Variants in ARHGAP17 observed in about 807,000 individuals in gnomAD.
The protein encoded by ARHGAP17 is rho GTPase-activating protein 17.
In ARHGAP17, 57 loss-of-function variants were observed where a neutral mutation model predicts 99.5. The ratio of observed to expected loss-of-function variants is 0.57; its 90% CI spans 0.46 to 0.71. ARHGAP17 has a LOEUF of 0.71. Ranked by LOEUF, ARHGAP17 falls within the 30% of genes least tolerant of loss-of-function variation. The pLI is 0.00. For missense variants in ARHGAP17, 1,000 were observed against 1,122.4 expected (o/e 0.89, Z 1.56); for synonymous variants, 417 against 429.6 (o/e 0.97, Z 0.36).
intron 3 of ARHGAP17, among the ~76,000 whole-genome samples, chr16:24,974,191 G>A (rs9929996): frequency 0.032 from 4,921 of 152,356 alleles, 280 homozygotes; most frequent in African/African-American, 0.11. Flanking sequence ...AGCACTTCGG[G>A]AGGCCGAGGA....
intron 4 of ARHGAP17, among the ~76,000 whole-genome samples, chr16:24,969,180 AG>A (rs1184815680): frequency 6.6e-6 from 1 of 152,236 alleles, no homozygotes; most frequent in African/African-American, 2.4e-5. Context: ...TATGCAGATG[AG>A]CTAGCTGGCT....
chr16:25,005,995 G>C (rs1179155366), intron 1 of ARHGAP17, among the ~76,000 whole-genome samples: 2 of 152,104 alleles, frequency 1.3e-5, no homozygotes, highest in Non-Finnish European at 2.9e-5. Context: ...AACCTCTAGA[G>C]AATTCATCAT....
chr16:24,974,250 G>A (rs960151573), intron 3 of ARHGAP17, among the ~76,000 whole-genome samples: 1 of 152,188 alleles, frequency 6.6e-6, no homozygotes, highest in Non-Finnish European at 1.5e-5. Context: ...GGTCAACATG[G>A]TGAAATCCTG....
chr16:25,004,436 C>T (rs922744945), intron 1 of ARHGAP17, among the ~76,000 whole-genome samples: 1 of 152,166 alleles, frequency 6.6e-6, no homozygotes, highest in Non-Finnish European at 1.5e-5. Context: ...CCCAAAGTAC[C>T]GCTGGCCATG....
intron 15 of ARHGAP17, among the ~76,000 whole-genome samples, chr16:24,943,130 T>G (rs1391044171): frequency 1.3e-5 from 2 of 152,204 alleles, no homozygotes; most frequent in Non-Finnish European, 2.9e-5. Context: ...AAGGGGGCCA[T>G]GGGAACCTCT....
chr16:24,937,857 T>G (rs1330486848), intron 17 of ARHGAP17, among the ~76,000 whole-genome samples: 1 of 152,234 alleles, frequency 6.6e-6, no homozygotes, highest in Non-Finnish European at 1.5e-5. Flanking sequence ...CCTGTCCTTG[T>G]TTTGTGCACA....
intron 1 of ARHGAP17, among the ~76,000 whole-genome samples, chr16:25,005,198 G>C (rs137931350): frequency 1.0e-3 from 155 of 152,326 alleles, no homozygotes; most frequent in African/African-American, 3.6e-3. Flanking sequence ...TTACAGGCGT[G>C]AGCCACCATA....
At chr16:24,947,390 T>C in intron 14 of ARHGAP17, 92 bp downstream of exon 14, 1 of 1,160,482 alleles carries the variant, frequency 8.6e-7, no homozygotes, top group Admixed American at 2.0e-5. Flanking sequence ...TGAATTGATC[T>C]TAAACTAGAA....
chr16:24,939,636 C>A (rs755068203), intron 16 of ARHGAP17, 39 bp from the exon 17 acceptor site: 1 of 1,555,302 alleles, frequency 6.4e-7, no homozygotes, highest in Non-Finnish European at 8.7e-7. Context: ...ACCATGCGAG[C>A]AGACTACTGA....
chr16:24,957,816 G>A (rs1331193876), intron 9 of ARHGAP17, among the ~76,000 whole-genome samples: 1 of 152,152 alleles, frequency 6.6e-6, no homozygotes, highest in African/African-American at 2.4e-5. Context: ...TAAACAGGAC[G>A]CTGTGTTCAG....
rs546402046 is a variant in ARHGAP17, at chr16:24,960,742, G to A, written c.574-763C>T. 4.6e-5 allele frequency among the ~76,000 whole-genome samples: 7 copies of A among 151,504 alleles called. No individual in the cohort carries two copies. In the South Asian group the frequency reaches 8.4e-4, roughly 18 times the overall value. On this transcript the variant is annotated intron_variant, in intron 7 of 19. Transcript: ENST00000289968. ...TGAGGCAGGAGAATGGTGTGAACCCGGGAGGCAGAGCTTGCAGTGAGCCAA... is the reference window on the plus strand; with the variant it reads ...TGAGGCAGGAGAATGGTGTGAACCCAGGAGGCAGAGCTTGCAGTGAGCCAA...
At chr16:24,924,134 C>T (rs892397399) in intron 19 of ARHGAP17, among the ~76,000 whole-genome samples, 1 of 152,166 alleles carries the variant, frequency 6.6e-6, no homozygotes, top group Non-Finnish European at 1.5e-5. Flanking sequence ...CATCCCTCTT[C>T]TCAGACCTAG....
At chr16:24,937,660 G>A (rs1367526541) in intron 17 of ARHGAP17, among the ~76,000 whole-genome samples, 1 of 152,112 alleles carries the variant, frequency 6.6e-6, no homozygotes, top group Non-Finnish European at 1.5e-5. Flanking sequence ...CCAAGGTGAA[G>A]AAAATGGAAT....
chr16:24,952,397 T>C, intron 11 of ARHGAP17, 27 bp from the exon 12 acceptor site: 1 of 1,562,962 alleles, frequency 6.4e-7, no homozygotes, highest in South Asian at 1.1e-5. Flanking sequence ...TCTCTTTGAG[T>C]ATGAAAAAGG....
At chr16:24,939,319 C>G (rs1201434825) in intron 17 of ARHGAP17, 45 bp downstream of exon 17, 4 of 1,520,898 alleles carry the variant, frequency 2.6e-6, no homozygotes, top group Non-Finnish European at 3.5e-6. Flanking sequence ...TGCAAGAAGG[C>G]TGGGGCGTCC....
chr16:24,933,889 C>T (rs1032170310), intron 18 of ARHGAP17, among the ~76,000 whole-genome samples: 4 of 152,076 alleles, frequency 2.6e-5, no homozygotes, highest in African/African-American at 7.2e-5. Context: ...ACTCTGAATG[C>T]GGCTATAAGG....
At chr16:24,980,267 A>G (rs1183321123) in intron 1 of ARHGAP17, among the ~76,000 whole-genome samples, 1 of 152,198 alleles carries the variant, frequency 6.6e-6, no homozygotes, top group Non-Finnish European at 1.5e-5. Flanking sequence ...TCCAGTCTAC[A>G]CTTAAGGCAA....
chr16:25,011,721 A>G (rs1192181550), intron 1 of ARHGAP17, among the ~76,000 whole-genome samples: 3 of 150,954 alleles, frequency 2.0e-5, no homozygotes, highest in Non-Finnish European at 4.4e-5. Context: ...AAAGAGTGGA[A>G]CCCCCAGAAG....
intron 1 of ARHGAP17, among the ~76,000 whole-genome samples, chr16:24,990,788 T>TTA (rs2053017327): frequency 6.6e-6 from 1 of 150,558 alleles, no homozygotes; most frequent in Non-Finnish European, 1.5e-5. Context: ...TTTTTTTTTT[T>TTA]AGCTCCCCAG....
Sources: allele counts gnomAD v4.1 joint callset (sites outside exome capture counted in the v4.1 genomes callset), GRCh38; gene constraint gnomAD v4.1.1; transcripts MANE v1.5; gene names NCBI Gene and HGNC (gene_info 2026-07-23, HGNC 2026-07-21).